The following PTPRJ variants were observed in gnomAD, a reference collection of about 807,000 sequenced individuals.
The protein encoded by PTPRJ is protein tyrosine phosphatase receptor type J.
In PTPRJ, 129 loss-of-function variants were observed where a neutral mutation model predicts 141.3. That is an observed-to-expected ratio of 0.91 (90% CI 0.79 to 1.06). The LOEUF is 1.06. Among genes scored for constraint, PTPRJ ranks in the 50% least tolerant of loss-of-function variants. The pLI is 0.00. For missense variants in PTPRJ, 1,601 were observed against 1,679.7 expected (o/e 0.95, Z 0.82); for synonymous variants, 610 against 640.5 (o/e 0.95, Z 0.72).
intron 1 of PTPRJ, among the ~76,000 whole-genome samples, chr11:48,088,541 G>T (rs1249779423): frequency 6.6e-6 from 1 of 152,154 alleles, no homozygotes; most frequent in Admixed American, 6.5e-5. Context: ...TGCTGCCACA[G>T]GATTGTCCTT....
At chr11:48,000,700 C>G (rs1854473503) in intron 1 of PTPRJ, among the ~76,000 whole-genome samples, 1 of 152,020 alleles carries the variant, frequency 6.6e-6, no homozygotes, top group Non-Finnish European at 1.5e-5. Flanking sequence ...GGGCCTGGTA[C>G]TATCCTCCTC....
intron 1 of PTPRJ, among the ~76,000 whole-genome samples, chr11:48,020,102 G>A (rs560371097): frequency 2.6e-5 from 4 of 152,220 alleles, no homozygotes; most frequent in African/African-American, 7.2e-5. Context: ...GGCATGTCCC[G>A]AGATCCTGGC....
In PTPRJ at chr11:48,168,579, T is replaced by C. The variant is rs1274499584; in HGVS notation, c.*1217T>C. On this transcript the variant is annotated 3_prime_UTR_variant, in exon 25 of 25. Transcript: ENST00000418331. ...ATATATATATATATATATATATATA[T>C]ATACACTAAGCTCTCAAAAACAGTC... is the stretch of plus-strand genomic sequence containing the variant. 31 of 119,908 alleles carry C rather than the reference T, an allele frequency of 2.6e-4. No individual in the cohort carries two copies. The highest frequency in any genetic ancestry group is 6.1e-4 in the Admixed American group (7 of 11,538). The allele number at this position is 119,908 out of a possible 1,614,324, so 7.4% of individuals were successfully genotyped here.
At chr11:48,021,376 AAAATAAATAAATAAATAAATAAATAAAT>A (rs71457241) in intron 1 of PTPRJ, among the ~76,000 whole-genome samples, 1 of 136,518 alleles carries the variant, frequency 7.3e-6, no homozygotes, top group African/African-American at 2.7e-5. Flanking sequence ...CTCCGTCCCT[AAAATAAATAAATAAATAAATAAATAAAT>A]AAATAAATAA....
intron 1 of PTPRJ, among the ~76,000 whole-genome samples, chr11:48,008,131 C>T (rs985858179): frequency 6.6e-6 from 1 of 152,066 alleles, no homozygotes; most frequent in African/African-American, 2.4e-5. Flanking sequence ...AAATCTGTTA[C>T]TTCTGGGGAA....
At chr11:48,142,882 A>G (rs775769710) in intron 11 of PTPRJ, 37 bp from the exon 12 acceptor site, 6 of 1,589,332 alleles carry the variant, frequency 3.8e-6, no homozygotes, top group Non-Finnish European at 4.3e-6. Flanking sequence ...TTGGTTTTCA[A>G]TATTGGGTGA....
At chr11:48,116,868 C>T (rs923499348) in intron 3 of PTPRJ, among the ~76,000 whole-genome samples, 2 of 152,174 alleles carry the variant, frequency 1.3e-5, no homozygotes, top group Non-Finnish European at 1.5e-5. Context: ...TATCTTGAGA[C>T]AAACATCACT....
chr11:48,166,259 G>A (rs1165508514), intron 24 of PTPRJ, among the ~76,000 whole-genome samples: 1 of 151,442 alleles, frequency 6.6e-6, no homozygotes, highest in Non-Finnish European at 1.5e-5. Flanking sequence ...GACTCTTTAT[G>A]TACATCTGTA....
intron 1 of PTPRJ, among the ~76,000 whole-genome samples, chr11:48,050,749 C>T (rs1424610752): frequency 6.6e-6 from 1 of 151,914 alleles, no homozygotes; most frequent in Non-Finnish European, 1.5e-5. Context: ...AATTAGATAA[C>T]TCTGTTGCAT....
rs1735860045 is a variant in PTPRJ at position 48,149,441 on chromosome 11, A to T, written c.3000-6A>T. On this transcript the variant is annotated splice_polypyrimidine_tract_variant and splice_region_variant and intron_variant, in intron 15 of 24. Coordinates refer to ENST00000418331, the MANE Select transcript of PTPRJ (RefSeq NM_002843.4). ...TGTCTAATGGGTCTCTTTTCTCTTAAAACAGGAAAGATGCAAAGAATAATG... is the reference window on the plus strand; with the variant it reads ...TGTCTAATGGGTCTCTTTTCTCTTATAACAGGAAAGATGCAAAGAATAATG... The T allele has an allele frequency of 1.3e-6, 2 of 1,512,028 alleles. No individual in the cohort carries two copies. Among genetic ancestry groups the T allele is most frequent in the Non-Finnish European group, 1.8e-6 (2 of 1,101,420 alleles). 93.7% of individuals were successfully genotyped at this position (1,512,028 alleles called of 1,614,324 possible). A position where few individuals can be genotyped will look rare whatever the true frequency, so the allele number is the denominator to read the frequency against.
chr11:48,120,929 A>T (rs942169708), intron 3 of PTPRJ, 74 bp from the exon 4 acceptor site: 3 of 1,326,370 alleles, frequency 2.3e-6, no homozygotes, highest in Non-Finnish European at 3.1e-6. Flanking sequence ...TGGAAACTAG[A>T]CATATAGAGC....
intron 1 of PTPRJ, among the ~76,000 whole-genome samples, chr11:48,065,040 G>A (rs1262975167): frequency 1.6e-5 from 2 of 122,824 alleles, no homozygotes; most frequent in East Asian, 2.4e-4. Flanking sequence ...TTGAGACAGA[G>A]CTTCACTCTT....
At chr11:48,113,649 C>G (rs1856494195) in intron 3 of PTPRJ, among the ~76,000 whole-genome samples, 1 of 152,124 alleles carries the variant, frequency 6.6e-6, no homozygotes, top group South Asian at 2.1e-4. Flanking sequence ...CTCCTAGATT[C>G]TTTCAAGGTA....
At chr11:47,984,156 C>G (rs1420070807) in intron 1 of PTPRJ, among the ~76,000 whole-genome samples, 1 of 152,134 alleles carries the variant, frequency 6.6e-6, no homozygotes, top group South Asian at 2.1e-4. Flanking sequence ...TTGGGCCCCA[C>G]GATAAAGATA....
At position 48,005,687 on chromosome 11, in the gene PTPRJ, G is replaced by A. The variant is rs371162183; in HGVS notation, c.96+24679G>A. Among the ~76,000 whole-genome samples the A allele has an allele frequency of 1.6e-4, 24 of 152,284 alleles. 3 individuals are homozygous for A. Among genetic ancestry groups the A allele is most frequent in the Admixed American group, 1.2e-3 (18 of 15,292 alleles). The stretch of plus-strand genomic sequence containing the variant: ...TGTCTACCAGTGTTTGTGTGGCCAC[G>A]GGTTTTCAATGTGGGAGGATTTTGA... On this transcript the variant is annotated intron_variant, in intron 1 of 24. Transcript: ENST00000418331.
At chr11:48,021,008 G>C (rs1855103023) in intron 1 of PTPRJ, among the ~76,000 whole-genome samples, 1 of 152,202 alleles carries the variant, frequency 6.6e-6, no homozygotes, top group South Asian at 2.1e-4. Flanking sequence ...ACTTTTTTAA[G>C]AGAATGCAGG....
At chr11:48,095,781 A>T (rs922039488) in intron 1 of PTPRJ, among the ~76,000 whole-genome samples, 1 of 152,080 alleles carries the variant, frequency 6.6e-6, no homozygotes. Context: ...GGGTTTTGCC[A>T]TGTTGGCCAG....
chr11:48,042,781 T>TGAGA, intron 1 of PTPRJ, among the ~76,000 whole-genome samples: 1 of 151,180 alleles, frequency 6.6e-6, no homozygotes, highest in Middle Eastern at 3.2e-3. Context: ...TGTGTGTGTG[T>TGAGA]GTGTGAGAGA....
chr11:48,022,966 C>T (rs893458927), intron 1 of PTPRJ, among the ~76,000 whole-genome samples: 5 of 151,910 alleles, frequency 3.3e-5, no homozygotes, highest in Admixed American at 6.6e-5. Context: ...TCAAGTCACA[C>T]GGTGCAGGAT....
Sources: gnomAD v4.1 joint callset for allele counts (sites outside exome capture counted in the v4.1 genomes callset) on GRCh38, gnomAD v4.1.1 for gene constraint, MANE v1.5 for transcripts, NCBI Gene and HGNC (gene_info 2026-07-23, HGNC 2026-07-21) for gene names.